The following NCAM1 variants were observed in gnomAD, a reference collection of about 807,000 sequenced individuals.
NCAM1 encodes the protein antigen recognized by monoclonal antibody 5.1H11.
Under a neutral mutation model 109.8 loss-of-function variants are expected in NCAM1, and 14 were observed. That is an observed-to-expected ratio of 0.13 (90% CI 0.08 to 0.20). NCAM1 has a LOEUF of 0.20. NCAM1 is among the 10% of genes least tolerant of loss of function. The pLI, the probability that NCAM1 is intolerant of heterozygous loss-of-function variation, is 1.00. For missense variants in NCAM1, 774 were observed against 1,109.9 expected, an observed-to-expected ratio of 0.70 and a Z score of 4.30; for synonymous variants, 418 against 442.9, an observed-to-expected ratio of 0.94 and a Z score of 0.70.
chr11:113,052,049 G>C (rs1953518610), intron 1 of NCAM1, among the ~76,000 whole-genome samples: 1 of 152,136 alleles, frequency 6.6e-6, no homozygotes, highest in Admixed American at 6.5e-5. Context: ...GCAACTTTAG[G>C]CAAGAGAGTC....
At chr11:113,197,013 C>T (rs1236379059) in intron 1 of NCAM1, among the ~76,000 whole-genome samples, 3 of 152,120 alleles carry the variant, frequency 2.0e-5, no homozygotes, top group Non-Finnish European at 4.4e-5. Flanking sequence ...GCAGCACAGA[C>T]CTTCTTCACG....
At chr11:113,083,530 C>A (rs190521731) in intron 1 of NCAM1, among the ~76,000 whole-genome samples, 1 of 152,066 alleles carries the variant, frequency 6.6e-6, no homozygotes, top group South Asian at 2.1e-4. Context: ...TATATGGTTG[C>A]GTGTAATGGA....
In NCAM1 at chr11:113,273,083, G is replaced by A. The variant is rs558897489; in HGVS notation, c.2456+1207G>A. ...CCACCCTGACCTCCAGTATTGCCCC[G>A]CCGGCCACGGCCACGCCTGACTCAA... is the stretch of plus-strand genomic sequence containing the variant. On this transcript the variant is annotated intron_variant, in intron 19 of 19. Coordinates refer to ENST00000316851, the MANE Select transcript of NCAM1 (RefSeq NM_181351.5). The surrounding 1 kb of genome is among the most constrained non-coding windows in gnomAD (Gnocchi z 6.0). 228 of 455,536 alleles carry A rather than the reference G, an allele frequency of 5.0e-4. No individual in the cohort carries two copies. The highest frequency in any genetic ancestry group is 2.8e-3 in the African/African-American group (142 of 49,848). The allele number at this position is 455,536 out of a possible 1,614,324, so 28.2% of individuals were successfully genotyped here.
In NCAM1 at chr11:113,149,892, T is replaced by G. The variant is rs542711661; in HGVS notation, c.53-52487T>G. Among the ~76,000 whole-genome samples the G allele has an allele frequency of 2.0e-5, 3 of 152,284 alleles. No individual in the cohort carries two copies. The East Asian group carries it at 5.8e-4, about 29-fold the overall frequency. ...GTGGACTTCTTTTATTGACTTTTAT[T>G]TGAAAAAGAGATATTCTTATAGTAG... On this transcript the variant is annotated intron_variant, in intron 1 of 19. Transcript: ENST00000316851.
intron 1 of NCAM1, among the ~76,000 whole-genome samples, chr11:113,017,735 G>A (rs1034189357): frequency 6.6e-6 from 1 of 150,868 alleles, no homozygotes; most frequent in African/African-American, 2.4e-5. Flanking sequence ...TTTAAAGGAA[G>A]GAATACTGTA....
chr11:113,259,126 G>C (rs983557388), intron 16 of NCAM1, among the ~76,000 whole-genome samples: 7 of 146,546 alleles, frequency 4.8e-5, no homozygotes, highest in African/African-American at 1.5e-4. Context: ...ATCTCGGCTC[G>C]CTGCAAGCTC....
At chr11:113,029,781 C>T (rs1805911565) in intron 1 of NCAM1, among the ~76,000 whole-genome samples, 1 of 152,124 alleles carries the variant, frequency 6.6e-6, no homozygotes, top group Non-Finnish European at 1.5e-5. Context: ...TGGAATGTTT[C>T]ATTAAAAATA....
intron 1 of NCAM1, among the ~76,000 whole-genome samples, chr11:113,128,691 A>C (rs1204817720): frequency 6.6e-6 from 1 of 152,074 alleles, no homozygotes; most frequent in Non-Finnish European, 1.5e-5. Flanking sequence ...GAAGTTGAAA[A>C]ATAGGCCTCG....
At chr11:113,208,883 C>T (rs1555113309) in intron 7 of NCAM1, among the ~76,000 whole-genome samples, 2 of 152,198 alleles carry the variant, frequency 1.3e-5, no homozygotes, top group Admixed American at 6.5e-5. Context: ...CTTTAGTGGT[C>T]GATGGGCTGG....
chr11:112,984,276 G>A (rs562176303), intron 1 of NCAM1, among the ~76,000 whole-genome samples: 3 of 151,894 alleles, frequency 2.0e-5, no homozygotes, highest in African/African-American at 7.2e-5. Context: ...ATATATATAT[G>A]AGTTTTAAAA....
intron 1 of NCAM1, among the ~76,000 whole-genome samples, chr11:113,053,957 G>C (rs545196485): frequency 2.0e-5 from 3 of 152,162 alleles, no homozygotes; most frequent in Admixed American, 2.0e-4. Context: ...AGGCAGGGGT[G>C]GACTTGGGCC....
intron 14 of NCAM1, among the ~76,000 whole-genome samples, chr11:113,244,680 TG>T (rs1945446885): frequency 6.8e-6 from 1 of 148,092 alleles, no homozygotes; most frequent in South Asian, 2.1e-4. Flanking sequence ...TGTGTGTGTG[TG>T]TGTGTGGACC....
In NCAM1 at chr11:112,962,644, G is replaced by C. The variant is rs1476874858; in HGVS notation, c.52+980G>C. Among the ~76,000 whole-genome samples the C allele has an allele frequency of 6.6e-6, 1 of 151,536 alleles. No homozygotes were observed. The highest frequency in any genetic ancestry group is 2.4e-5 in the African/African-American group (1 of 41,228). On this transcript the variant is annotated intron_variant, in intron 1 of 19. Transcript: ENST00000316851. This position sits in a 1 kb window ranked among gnomAD's most constrained non-coding sequence, Gnocchi z 5.6. Reference sequence around the variant, plus strand: ...TGCTGCCGCGGGTGGCGGGGGTTGCGCCGCCGCCCAGAGAACCTCGGCAGT... The same window carrying C: ...TGCTGCCGCGGGTGGCGGGGGTTGCCCCGCCGCCCAGAGAACCTCGGCAGT...
Position 113,277,083 on chromosome 11 carries a change from A to C in NCAM1, c.*1696A>C, listed in dbSNP as rs1946411300. On this transcript the variant is annotated 3_prime_UTR_variant, in exon 20 of 20. Transcript: ENST00000316851. The stretch of plus-strand genomic sequence containing the variant: ...GGAATCGAAGCCTTTTAACAAAGAA[A>C]ATGAAATACAGATGATGATGATGAT... 2.7e-6 allele frequency: 1 copy of C among 366,006 alleles called. No homozygotes were observed. The highest frequency in any genetic ancestry group is 3.9e-5 in the East Asian group (1 of 25,370). The allele number at this position is 366,006 out of a possible 1,614,324, so 22.7% of individuals were successfully genotyped here. A position where few individuals can be genotyped will look rare whatever the true frequency, so the allele number is the denominator to read the frequency against.
At chr11:113,240,733 T>A in intron 14 of NCAM1, 1 of 1,557,056 alleles carries the variant, frequency 6.4e-7, no homozygotes, top group Non-Finnish European at 8.9e-7. Context: ...TTTCATTCAG[T>A]ATCTGTGTGC....
At chr11:113,215,108 A>G (rs1944491303) in intron 8 of NCAM1, among the ~76,000 whole-genome samples, 1 of 152,142 alleles carries the variant, frequency 6.6e-6, no homozygotes, top group Non-Finnish European at 1.5e-5. Context: ...TGGAGGGTTT[A>G]AGAACATTGT....
intron 1 of NCAM1, among the ~76,000 whole-genome samples, chr11:113,138,204 T>C (rs900669303): frequency 2.6e-5 from 4 of 152,174 alleles, no homozygotes; most frequent in African/African-American, 7.2e-5. Flanking sequence ...TTTCCCCAAA[T>C]TGATTAATTT....
At chr11:112,991,508 G>GAA (rs78099423) in intron 1 of NCAM1, among the ~76,000 whole-genome samples, 9 of 149,332 alleles carry the variant, frequency 6.0e-5, no homozygotes, top group African/African-American at 4.9e-5. Flanking sequence ...GGCCTGAAAA[G>GAA]AAAAAAAAAA....
intron 18 of NCAM1, among the ~76,000 whole-genome samples, chr11:113,271,369 CAAAAAAAAAAAAAAAAA>C (rs71060298): frequency 1.5e-5 from 1 of 66,874 alleles, no homozygotes; most frequent in Non-Finnish European, 2.5e-5. Context: ...GACTCTGTCT[CAAAAAAAAAAAAAAAAA>C]AAAAAAAAAA....
Sources: gnomAD v4.1 joint callset for allele counts (sites outside exome capture counted in the v4.1 genomes callset) on GRCh38, gnomAD v4.1.1 for gene constraint, Gnocchi (gnomAD v3.1) non-coding constraint, MANE v1.5 for transcripts, NCBI Gene and HGNC (gene_info 2026-07-23, HGNC 2026-07-21) for gene names.